SLC36A1: variants seen among roughly 807,000 people sequenced by gnomAD.
The protein encoded by SLC36A1 is proton-coupled amino acid transporter 1.
In SLC36A1, 30 loss-of-function variants were observed where a neutral mutation model predicts 47.5. The ratio of observed to expected loss-of-function variants is 0.63; its 90% CI spans 0.47 to 0.86. The LOEUF is 0.86. Among genes scored for constraint, SLC36A1 ranks in the 40% least tolerant of loss-of-function variants. The pLI is 0.00. For missense variants in SLC36A1, 517 were observed against 606.0 expected (o/e 0.85, Z 1.54); for synonymous variants, 255 against 249.7 (o/e 1.02, Z -0.20).
At chr5:151,495,937 C>T (rs958659402), downstream of SLC36A1, among the ~76,000 whole-genome samples, 3 of 151,984 alleles carry the variant, frequency 2.0e-5, no homozygotes, top group African/African-American at 7.3e-5. Context: ...GTGCAGTTTC[C>T]GGATTTAGTT....
At chr5:151,550,485 T>C in the SLC36A1 span, 1 of 1,280,886 alleles carries the variant, frequency 7.8e-7, no homozygotes, top group Non-Finnish European at 1.1e-6. Context: ...GTCTCGTGCA[T>C]GGTCCTTATG....
intron 1 of SLC36A1, among the ~76,000 whole-genome samples, chr5:151,458,309 T>TATATATATATATATATATACATAC (rs1754925963): frequency 1.2e-5 from 1 of 80,772 alleles, no homozygotes; most frequent in African/African-American, 8.2e-5. Context: ...CACGTGTATA[T>TATATATATATATATATATACATAC]ACGTATATAT....
At chr5:151,416,682 G>A in the SLC36A1 span, among the ~76,000 whole-genome samples, 1 of 152,192 alleles carries the variant, frequency 6.6e-6, no homozygotes, top group Non-Finnish European at 1.5e-5. Context: ...TGGCTGCGGA[G>A]ATAGGTGACT....
chr5:151,493,573 G>T (rs184544139), downstream of SLC36A1, among the ~76,000 whole-genome samples: 1 of 150,742 alleles, frequency 6.6e-6, no homozygotes, highest in Admixed American at 6.5e-5. Context: ...AGCCTTCAAA[G>T]AATACTCTTA....
At chr5:151,481,682 C>G (rs1581208836) in intron 10 of SLC36A1, among the ~76,000 whole-genome samples, 1 of 152,074 alleles carries the variant, frequency 6.6e-6, no homozygotes, top group East Asian at 1.9e-4. Context: ...TCACCACTCT[C>G]CCCCATCCTC....
chr5:151,436,533 A>ATCT (rs1170492030), upstream of SLC36A1, among the ~76,000 whole-genome samples: 10 of 151,776 alleles, frequency 6.6e-5, no homozygotes, highest in Non-Finnish European at 1.3e-4. Context: ...TGACCAAGGA[A>ATCT]TCTTAGGGTC....
the SLC36A1 span, among the ~76,000 whole-genome samples, chr5:151,395,373 C>T: frequency 6.6e-6 from 1 of 152,218 alleles, no homozygotes; most frequent in African/African-American, 2.4e-5. Context: ...TGATGCCTCA[C>T]CCTGCTTTGG....
At chr5:151,388,240 G>A in the SLC36A1 span, among the ~76,000 whole-genome samples, 1 of 152,144 alleles carries the variant, frequency 6.6e-6, no homozygotes, top group Admixed American at 6.5e-5. Flanking sequence ...GGTGGCTCAT[G>A]GCTGTAATCC....
At chr5:151,476,009 G>A (rs1036208476) in intron 8 of SLC36A1, among the ~76,000 whole-genome samples, 1 of 152,246 alleles carries the variant, frequency 6.6e-6, no homozygotes, top group Non-Finnish European at 1.5e-5. Flanking sequence ...TCAGTGGTTT[G>A]TAATAGGAGT....
chr5:151,531,850 A>G, the SLC36A1 span: 1 of 1,613,878 alleles, frequency 6.2e-7, no homozygotes, highest in Non-Finnish European at 8.5e-7. This position sits in a 1 kb window ranked among gnomAD's most constrained non-coding sequence, Gnocchi z 5.7. Context: ...CGTGAGCTCC[A>G]GTGGTGCCTG....
upstream of SLC36A1, among the ~76,000 whole-genome samples, chr5:151,434,840 G>A (rs1759675288): frequency 6.6e-6 from 1 of 152,238 alleles, no homozygotes; most frequent in Admixed American, 6.5e-5. Flanking sequence ...GGATCGGCTG[G>A]CAACTTGATC....
the SLC36A1 span, among the ~76,000 whole-genome samples, chr5:151,398,247 C>T: frequency 1.3e-5 from 2 of 152,156 alleles, no homozygotes; most frequent in South Asian, 4.1e-4. Context: ...GGACTATCAT[C>T]ATTATTATAA....
At chr5:151,355,031 A>G in the SLC36A1 span, among the ~76,000 whole-genome samples, 8 of 152,200 alleles carry the variant, frequency 5.3e-5, no homozygotes, top group Non-Finnish European at 4.4e-5. Context: ...CTGACCGAGG[A>G]AAAACACATT....
At chr5:151,542,459 C>T in the SLC36A1 span, 2 of 1,614,132 alleles carry the variant, frequency 1.2e-6, no homozygotes, top group South Asian at 1.1e-5. Context: ...TGAACCAGGG[C>T]CTGAGAGGAT....
the SLC36A1 span, among the ~76,000 whole-genome samples, chr5:151,532,748 A>G: frequency 6.6e-6 from 1 of 152,220 alleles, no homozygotes; most frequent in African/African-American, 2.4e-5. Context: ...AGTTGGCCAT[A>G]GTGTAGGAAA....
chr5:151,500,728 G>T, the SLC36A1 span, among the ~76,000 whole-genome samples: 1 of 152,214 alleles, frequency 6.6e-6, no homozygotes, highest in Admixed American at 6.5e-5. Context: ...CACAGCACCT[G>T]GCATAGCAAA....
chr5:151,505,713 C>T, the SLC36A1 span: 42 of 1,613,906 alleles, frequency 2.6e-5, no homozygotes, highest in African/African-American at 1.7e-4. Context: ...TCGGCTGAGG[C>T]GCATACCCAC....
intron 7 of SLC36A1, among the ~76,000 whole-genome samples, chr5:151,473,142 G>A (rs1006985862): frequency 5.9e-5 from 9 of 151,994 alleles, no homozygotes; most frequent in African/African-American, 1.9e-4. Context: ...GCCACTGCAC[G>A]CCAGCCTGGG....
the SLC36A1 span, chr5:151,347,534 A>AT: frequency 6.3e-7 from 1 of 1,575,004 alleles, no homozygotes; most frequent in Non-Finnish European, 8.7e-7. Context: ...GAAGGTGTCT[A>AT]GTGTAGATGT....
Sources: gnomAD v4.1 joint callset for allele counts (sites outside exome capture counted in the v4.1 genomes callset) on GRCh38, gnomAD v4.1.1 for gene constraint, Gnocchi (gnomAD v3.1) non-coding constraint, MANE v1.5 for transcripts, NCBI Gene and HGNC (gene_info 2026-07-23, HGNC 2026-07-21) for gene names.